The following CACNA1B variants were observed in gnomAD, a reference collection of about 807,000 sequenced individuals.
CACNA1B encodes calcium voltage-gated channel subunit alpha1 B, also known as voltage-dependent N-type calcium channel subunit alpha-1B.
A neutral mutation model predicts 247.2 loss-of-function variants in CACNA1B; 70 were observed. The observed-to-expected ratio is 0.28, with a 90% CI of 0.23 to 0.35. The LOEUF (loss-of-function observed/expected upper bound fraction) is 0.35. CACNA1B is among the 10% of genes least tolerant of loss of function. CACNA1B has a pLI of 1.00. For synonymous variants in CACNA1B, 1,231 were observed against 1,294.4 expected, an observed-to-expected ratio of 0.95 and a Z score of 1.05; for missense variants, 2,367 against 3,197.4, an observed-to-expected ratio of 0.74 and a Z score of 6.26.
At chr9:137,944,920 G>A (rs1447423341) in intron 6 of CACNA1B, among the ~76,000 whole-genome samples, 1 of 152,156 alleles carries the variant, frequency 6.6e-6, no homozygotes, top group East Asian at 1.9e-4. Context: ...TGAGAGACAG[G>A]TGGCCTTTGT....
rs1489505347 is a variant in CACNA1B at position 137,973,531 on chromosome 9, C to T, written c.1543+1939C>T. 1.3e-5 allele frequency among the ~76,000 whole-genome samples: 2 copies of T among 152,188 alleles called. No homozygotes were observed. Among genetic ancestry groups the T allele is most frequent in the African/African-American group, 4.8e-5 (2 of 41,434 alleles). ...GTCAGGACTTGCCATCCTGTGAGCC[C>T]CTGGGGGGCCTTATGCAGCTCACCA... On this transcript the variant is annotated intron_variant, in intron 11 of 46. Transcript: ENST00000371372. This position sits in a 1 kb window ranked among gnomAD's most constrained non-coding sequence, Gnocchi z 4.1.
chr9:137,984,935 A>C (rs1958339212), intron 13 of CACNA1B, among the ~76,000 whole-genome samples: 1 of 152,132 alleles, frequency 6.6e-6, no homozygotes, highest in African/African-American at 2.4e-5. Flanking sequence ...TGTAGTGGGG[A>C]AGAGAGAGAG....
intron 18 of CACNA1B, among the ~76,000 whole-genome samples, chr9:138,021,936 G>C (rs565365245): frequency 6.6e-6 from 1 of 152,344 alleles, no homozygotes; most frequent in African/African-American, 2.4e-5. Context: ...CTCAGATGAG[G>C]TTTCTCCCTG....
chr9:137,966,915 G>A (rs986507311), intron 10 of CACNA1B, among the ~76,000 whole-genome samples: 8 of 151,260 alleles, frequency 5.3e-5, no homozygotes, highest in Non-Finnish European at 7.4e-5. Flanking sequence ...TCAGCCTCCT[G>A]AGTAGCTGGG....
chr9:138,004,740 A>G (rs1207877285), intron 15 of CACNA1B, among the ~76,000 whole-genome samples: 1 of 152,218 alleles, frequency 6.6e-6, no homozygotes, highest in African/African-American at 2.4e-5. Flanking sequence ...TTCATCCAAC[A>G]AGGGACTACT....
rs559144480 is a variant in CACNA1B, at chr9:137,954,270, A to T, written c.1071-1428A>T. Among the ~76,000 whole-genome samples, 1 of 152,258 alleles carries T rather than the reference A, an allele frequency of 6.6e-6. No individual in the cohort carries two copies. The highest frequency in any genetic ancestry group is 1.9e-4 in the East Asian group (1 of 5,152). On this transcript the variant is annotated intron_variant, in intron 7 of 46. Transcript: ENST00000371372. The surrounding 1 kb of genome is among the most constrained non-coding windows in gnomAD (Gnocchi z 4.1). The stretch of plus-strand genomic sequence containing the variant: ...CTTCCCAGCCTTGCTCTGTGGGAAA[A>T]GCCGCGGCTCTGCCATGTCTGGGCG...
intron 36 of CACNA1B, among the ~76,000 whole-genome samples, chr9:138,087,830 G>A (rs1447791396): frequency 6.6e-6 from 1 of 151,048 alleles, no homozygotes. Context: ...AGGTGGAGAA[G>A]AAACATAGCA....
chr9:138,026,711 A>G (rs762530074), intron 20 of CACNA1B, among the ~76,000 whole-genome samples: 2 of 152,234 alleles, frequency 1.3e-5, no homozygotes, highest in Non-Finnish European at 2.9e-5. Context: ...TTTGGCAATT[A>G]TGAATAAAAC....
At chr9:137,921,227 C>G (rs1266130189) in intron 6 of CACNA1B, among the ~76,000 whole-genome samples, 1 of 152,222 alleles carries the variant, frequency 6.6e-6, no homozygotes, top group Non-Finnish European at 1.5e-5. Context: ...GGGGCTGGAG[C>G]TTTTAAGGGG....
At chr9:137,939,234 C>G (rs756013626) in intron 6 of CACNA1B, among the ~76,000 whole-genome samples, 1 of 152,142 alleles carries the variant, frequency 6.6e-6, no homozygotes, top group Middle Eastern at 3.2e-3. Context: ...CAGGTATTTA[C>G]AGAACATTCT....
At chr9:137,901,861 T>C (rs1957244348) in intron 3 of CACNA1B, among the ~76,000 whole-genome samples, 1 of 152,040 alleles carries the variant, frequency 6.6e-6, no homozygotes, top group African/African-American at 2.4e-5. Context: ...GGGTGATTTT[T>C]TGTATTTTTA....
rs1259667006 is a variant in CACNA1B, at chr9:138,096,570, T to A, written c.5181T>A (p.Asp1727Glu). The change falls in exon 37 of 47, where the codon GAT (aspartate) becomes GAA (glutamate). Residue 1727 changes from aspartate to glutamate, a missense_variant. By Grantham distance (45) the Asp-to-Glu change is conservative. This residue lies in a region of CACNA1B where 55 missense variants were observed against 107.8 expected (regional missense o/e 0.51). Coordinates refer to ENST00000371372, the MANE Select transcript of CACNA1B (RefSeq NM_000718.4). ...DSSILGPHHL[D>E]EFIRVWAEYD... ...CCATCCTAGGTCCTCACCACTTGGA[T>A]GAGTTCATCCGGGTCTGGGCTGAAT... 1 of 1,612,782 alleles carries A rather than the reference T, an allele frequency of 6.2e-7. No individual in the cohort carries two copies. The highest frequency in any genetic ancestry group is 1.3e-5 in the African/African-American group (1 of 74,766).
At chr9:137,983,662 C>T (rs1010177543) in intron 12 of CACNA1B, among the ~76,000 whole-genome samples, 8 of 152,060 alleles carry the variant, frequency 5.3e-5, no homozygotes, top group Admixed American at 3.9e-4. Flanking sequence ...GGAGCAGTGG[C>T]AGAACCAGGG....
At position 138,120,756 on chromosome 9, in the gene CACNA1B, T is replaced by G; in HGVS notation, c.6364T>G (p.Ser2122Ala). ...GCGGAGGCAGCCCTCATCCTCCTCC[T>G]CGGAGAAGCAGCGCTTCTACTCCTG... is the stretch of plus-strand genomic sequence containing the variant. The part of the protein sequence containing the change: ...QERRQPSSSS[S>A]EKQRFYSCDR... Residue 2122 changes from serine to alanine, a missense_variant, in exon 46 of 47, where the codon TCG (serine) becomes GCG (alanine). By Grantham distance (99) the Ser-to-Ala change is moderately conservative. Coordinates refer to ENST00000371372, the MANE Select transcript of CACNA1B (RefSeq NM_000718.4). The G allele has an allele frequency of 6.5e-7, 1 of 1,549,172 alleles. No homozygotes were observed. Among genetic ancestry groups the G allele is most frequent in the Non-Finnish European group, 8.7e-7 (1 of 1,147,348 alleles).
rs1042088019 is a variant in CACNA1B at position 138,023,684 on chromosome 9, G to C, written c.2941G>C (p.Ala981Pro). Residue 981 changes from alanine (A) to proline (P), a missense_variant, in exon 19 of 47, where the codon GCC becomes CCC. By Grantham distance (27) the Ala-to-Pro change is conservative. Transcript: ENST00000371372. The part of the protein sequence containing the change: ...SGEEPARRHR[A>P]RHKAQPAHEA... ...GGAGGAGCCGGCGCGGCGGCACCGG[G>C]CCCGGCACAAGGCGCAGCCTGCTCA... 2.0e-6 allele frequency: 3 copies of C among 1,520,102 alleles called. No homozygotes were observed. Among genetic ancestry groups the C allele is most frequent in the African/African-American group, 2.9e-5 (2 of 69,184 alleles). 94.2% of individuals were successfully genotyped at this position (1,520,102 alleles called of 1,614,324 possible). A position where few individuals can be genotyped will look rare whatever the true frequency, so the allele number is the denominator to read the frequency against.
chr9:137,929,604 G>C (rs1957587269), intron 6 of CACNA1B, among the ~76,000 whole-genome samples: 1 of 152,118 alleles, frequency 6.6e-6, no homozygotes, highest in South Asian at 2.1e-4. Context: ...CACCATCTTA[G>C]TGGGCATGAA....
chr9:137,944,227 G>A (rs1217003731), intron 6 of CACNA1B, among the ~76,000 whole-genome samples: 2 of 152,134 alleles, frequency 1.3e-5, no homozygotes, highest in African/African-American at 4.8e-5. Context: ...TAGTTTGTGG[G>A]CCCATCTGTA....
intron 20 of CACNA1B, among the ~76,000 whole-genome samples, chr9:138,042,117 A>G (rs947467072): frequency 6.6e-6 from 1 of 152,110 alleles, no homozygotes; most frequent in East Asian, 1.9e-4. Context: ...TAAATATTGC[A>G]TATTTTACTT....
chr9:137,884,891 CCCTCCTCTTCCCG>C (rs1303577836), intron 3 of CACNA1B, among the ~76,000 whole-genome samples: 18 of 142,942 alleles, frequency 1.3e-4, no homozygotes, highest in African/African-American at 4.4e-4. Context: ...TTCCCCCTCC[CCCTCCTCTTCCCG>C]CCTCCCTCTT....
Sources: gnomAD v4.1 joint callset for allele counts (sites outside exome capture counted in the v4.1 genomes callset) on GRCh38, gnomAD v4.1.1 for gene constraint, gnomAD v4.1.1 regional missense constraint, Gnocchi (gnomAD v3.1) non-coding constraint, MANE v1.5 for transcripts, NCBI Gene and HGNC (gene_info 2026-07-23, HGNC 2026-07-21) for gene names.